The following ALK variants were observed in gnomAD, a reference collection of about 807,000 sequenced individuals.
ALK encodes the protein ALK receptor tyrosine kinase.
ALK carries 74 observed loss-of-function variants against 163.1 expected under a neutral mutation model. That is an observed-to-expected ratio of 0.45 (90% confidence interval 0.38 to 0.55). The LOEUF is 0.55. Ranked by LOEUF, ALK falls within the 20% of genes least tolerant of loss-of-function variation. The probability of loss-of-function intolerance (pLI) is 0.00; values close to 1 mark genes in which losing one functional copy is unlikely to be tolerated. For missense variants in ALK, 2,063 were observed against 2,105.3 expected, an observed-to-expected ratio of 0.98 and a Z score of 0.39; for synonymous variants, 960 against 843.2, an observed-to-expected ratio of 1.14 and a Z score of -2.40.
chr2:29,811,299 C>T (rs1424981457), intron 1 of ALK, among the ~76,000 whole-genome samples: 1 of 152,048 alleles, frequency 6.6e-6, no homozygotes, highest in East Asian at 1.9e-4. Flanking sequence ...GGTAGCACAA[C>T]AGAAAGAAGT....
chr2:29,436,280 G>A (rs1452966958), intron 4 of ALK, among the ~76,000 whole-genome samples: 2 of 152,140 alleles, frequency 1.3e-5, no homozygotes, highest in East Asian at 1.9e-4. Context: ...ACTGATAAAT[G>A]TCAGCTGATA....
chr2:29,378,992 C>T (rs975130147), intron 5 of ALK, among the ~76,000 whole-genome samples: 35 of 152,166 alleles, frequency 2.3e-4, no homozygotes, highest in Admixed American at 1.3e-4. Flanking sequence ...GAATTACAGG[C>T]ATGAGCCACC....
At chr2:29,774,451 GT>G (rs1681114811) in intron 1 of ALK, among the ~76,000 whole-genome samples, 1 of 152,198 alleles carries the variant, frequency 6.6e-6, no homozygotes. Context: ...CCATGTTACA[GT>G]TTACTAAGTG....
intron 11 of ALK, among the ~76,000 whole-genome samples, chr2:29,266,843 C>G (rs1322208058): frequency 6.6e-6 from 1 of 152,100 alleles, no homozygotes; most frequent in Non-Finnish European, 1.5e-5. Flanking sequence ...CATCAGAATC[C>G]CCACTGGGCT....
At chr2:29,874,006 T>C (rs1045665078) in intron 1 of ALK, among the ~76,000 whole-genome samples, 1 of 152,112 alleles carries the variant, frequency 6.6e-6, no homozygotes, top group African/African-American at 2.4e-5. Context: ...ACCGGTTCCA[T>C]AAAGGATCCT....
Position 29,586,685 on chromosome 2 carries a change from G to A in ALK, c.953-54569C>T, listed in dbSNP as rs148065061. Among the ~76,000 whole-genome samples the A allele has an allele frequency of 3.9e-3, 595 of 152,256 alleles. 12 individuals carry two copies. The highest frequency in any genetic ancestry group is 0.013 in the African/African-American group (547 of 41,564). ...GGACTCTAGAGAAAGTAAAGTAGGC[G>A]ACAACTTGTGCAGTGTGATTGGAAG... On this transcript the variant is annotated intron_variant, in intron 3 of 28. Transcript: ENST00000389048.
chr2:29,474,822 G>T (rs562765876), intron 4 of ALK, among the ~76,000 whole-genome samples: 2 of 152,248 alleles, frequency 1.3e-5, no homozygotes, highest in African/African-American at 2.4e-5. Context: ...GGGAGAGGTG[G>T]AGCAAGGGGT....
intron 4 of ALK, among the ~76,000 whole-genome samples, chr2:29,437,124 C>T (rs1468865704): frequency 6.6e-6 from 1 of 152,152 alleles, no homozygotes; most frequent in East Asian, 1.9e-4. Flanking sequence ...CATTTTAGTT[C>T]TTCCAGAGCT....
intron 4 of ALK, among the ~76,000 whole-genome samples, chr2:29,466,126 CACAA>C (rs1671204432): frequency 6.6e-6 from 1 of 152,166 alleles, no homozygotes; most frequent in African/African-American, 2.4e-5. Flanking sequence ...AAAATGGAAT[CACAA>C]ACAAATACTT....
chr2:29,308,799 G>T (rs1431755074), intron 8 of ALK, among the ~76,000 whole-genome samples: 1 of 152,102 alleles, frequency 6.6e-6, no homozygotes, highest in African/African-American at 2.4e-5. Context: ...CCTTTCTCCT[G>T]CATGGAAAAG....
intron 4 of ALK, among the ~76,000 whole-genome samples, chr2:29,493,894 C>T (rs1474535275): frequency 6.6e-6 from 1 of 152,198 alleles, no homozygotes; most frequent in Non-Finnish European, 1.5e-5. Flanking sequence ...ATGAAACGGC[C>T]TCAAGCACAA....
rs1439871853 is a variant in ALK at position 29,831,253 on chromosome 2, G to GGAAGAGGAAGAA, written c.667+88728_667+88739dup. 1.5e-4 allele frequency among the ~76,000 whole-genome samples: 2 copies of GGAAGAGGAAGAA among 13,310 alleles called. 1 individual carries two copies. Among genetic ancestry groups the GGAAGAGGAAGAA allele is most frequent in the African/African-American group, 3.5e-4 (2 of 5,654 alleles). The allele number at this position is 13,310 out of a possible 152,430, so 8.7% of individuals were successfully genotyped here. The stretch of plus-strand genomic sequence containing the variant: ...AAGAAGAGGAAGAAGAAGAGGAAGA[G>GGAAGAGGAAGAA]GAAGAGGAAGAAGAAGAAGAAGAAG... On this transcript the variant is annotated intron_variant, in intron 1 of 28. Transcript: ENST00000389048.
chr2:29,827,077 C>A (rs1398668032), intron 1 of ALK, among the ~76,000 whole-genome samples: 1 of 152,166 alleles, frequency 6.6e-6, no homozygotes, highest in Non-Finnish European at 1.5e-5. Context: ...TAGCTTTCAA[C>A]CAATGATCAT....
intron 26 of ALK, among the ~76,000 whole-genome samples, chr2:29,205,385 G>A (rs1669285526): frequency 6.6e-6 from 1 of 151,924 alleles, no homozygotes; most frequent in Non-Finnish European, 1.5e-5. Context: ...TGTTTCACTA[G>A]CTGTAATTTT....
At chr2:29,705,142 C>T (rs938170824) in intron 2 of ALK, among the ~76,000 whole-genome samples, 1 of 149,088 alleles carries the variant, frequency 6.7e-6, no homozygotes, top group African/African-American at 2.5e-5. Flanking sequence ...CGCTTGAACT[C>T]GGGAGGCAGA....
intron 4 of ALK, among the ~76,000 whole-genome samples, chr2:29,474,727 A>G (rs1042422304): frequency 2.0e-5 from 3 of 152,256 alleles, no homozygotes; most frequent in Admixed American, 6.5e-5. Context: ...ACTGCAGTAC[A>G]GAAACGTATT....
intron 1 of ALK, among the ~76,000 whole-genome samples, chr2:29,903,273 G>A (rs1225078680): frequency 1.3e-5 from 2 of 152,206 alleles, no homozygotes; most frequent in African/African-American, 2.4e-5. Context: ...GCAAGTGAAT[G>A]TATAAACACA....
chr2:29,250,625 G>A (rs1365786929), intron 12 of ALK, among the ~76,000 whole-genome samples: 1 of 152,190 alleles, frequency 6.6e-6, no homozygotes, highest in African/African-American at 2.4e-5. Context: ...GGAATACTGG[G>A]GGCTGGGGTA....
chr2:29,326,818 G>C (rs909778593), intron 6 of ALK, among the ~76,000 whole-genome samples: 1 of 152,202 alleles, frequency 6.6e-6, no homozygotes, highest in Non-Finnish European at 1.5e-5. Flanking sequence ...CCAGATGACT[G>C]GGGGCAGAGG....
Sources: allele counts gnomAD v4.1 joint callset (sites outside exome capture counted in the v4.1 genomes callset), GRCh38; gene constraint gnomAD v4.1.1; transcripts MANE v1.5; gene names NCBI Gene and HGNC (gene_info 2026-07-23, HGNC 2026-07-21).